SAMD3: variants seen among roughly 807,000 people sequenced by gnomAD.
SAMD3 encodes sterile alpha motif domain-containing protein 3.
In SAMD3, 63 loss-of-function variants were observed where a neutral mutation model predicts 58.5. That is an observed-to-expected ratio of 1.08 (90% CI 0.88 to 1.33). SAMD3 has a LOEUF of 1.33. Among genes scored for constraint, SAMD3 ranks in the 40% most tolerant of loss-of-function variants. The pLI is 0.00. For missense variants in SAMD3, 604 were observed against 608.4 expected (o/e 0.99, Z 0.08); for synonymous variants, 220 against 210.3 (o/e 1.05, Z -0.40).
intron 1 of SAMD3, among the ~76,000 whole-genome samples, chr6:130,318,520 C>T (rs1294369308): frequency 1.3e-5 from 2 of 150,150 alleles, no homozygotes; most frequent in Non-Finnish European, 1.5e-5. Context: ...CCTCTACCTC[C>T]TGAGTTCAAG....
chr6:130,164,761 T>C (rs1428933264), intron 8 of SAMD3, among the ~76,000 whole-genome samples: 1 of 151,994 alleles, frequency 6.6e-6, no homozygotes, highest in Non-Finnish European at 1.5e-5. Flanking sequence ...AAATGAGGAA[T>C]TGTATACTGG....
chr6:130,262,038 AAG>A (rs2114923865), intron 2 of SAMD3, among the ~76,000 whole-genome samples: 1 of 151,006 alleles, frequency 6.6e-6, no homozygotes, highest in South Asian at 2.1e-4. Context: ...GACAAAGTCA[AAG>A]AGAGATATAT....
chr6:130,144,578 T>C lies in SAMD3; in HGVS notation c.1505A>G (p.Tyr502Cys), dbSNP rs1562359151. The C allele has an allele frequency of 6.2e-7, 1 of 1,613,902 alleles. No individual in the cohort carries two copies. Among genetic ancestry groups the C allele is most frequent in the Non-Finnish European group, 8.5e-7 (1 of 1,179,904 alleles). Reference sequence around the variant, plus strand: ...TTCCTTTTCTTTCAAAGAAGGAAAATAAGGACTGTGCATATCGAAAATCAG... The same window carrying C: ...TTCCTTTTCTTTCAAAGAAGGAAAACAAGGACTGTGCATATCGAAAATCAG... ...ETLIFDMHSPYFPSLKEKENE... is the reference protein window; with the variant it reads ...ETLIFDMHSPCFPSLKEKENE... The change falls in exon 12 of 12, where the codon TAT (tyrosine) becomes TGT (cysteine). Residue 502 changes from tyrosine (Y) to cysteine (C), a missense_variant. Tyr to Cys is a radical substitution (Grantham distance 194, BLOSUM62 -2). Transcript: ENST00000439090.
intron 5 of SAMD3, among the ~76,000 whole-genome samples, chr6:130,193,612 C>T (rs776216464): frequency 4.6e-5 from 7 of 152,088 alleles, no homozygotes; most frequent in Non-Finnish European, 8.8e-5. Context: ...CCCTCCATTC[C>T]TCCAACTCCC....
intron 5 of SAMD3, among the ~76,000 whole-genome samples, chr6:130,200,497 C>T (rs1413314627): frequency 3.6e-5 from 5 of 139,662 alleles, no homozygotes; most frequent in South Asian, 4.5e-4. Flanking sequence ...TGCAGTGAGC[C>T]GAGATCACAC....
rs777084920 is a variant in SAMD3 at position 130,304,926 on chromosome 6, CTTTTT to C, written c.-188+8047_-188+8051del. ...TAAACACTAAAATTACATTTTCTTC[CTTTTT>C]TTTTTTTTTTTTTTTTTTTTTGAGA... is the stretch of plus-strand genomic sequence containing the variant. On this transcript the variant is annotated intron_variant, in intron 2 of 13. Coordinates refer to the SAMD3 transcript ENST00000368134. Among the ~76,000 whole-genome samples, 827 of 103,190 alleles carry C rather than the reference CTTTTT, an allele frequency of 8.0e-3. 4 individuals carry two copies. The highest frequency in any genetic ancestry group is 0.01 in the African/African-American group (261 of 25,298). The allele number at this position is 103,190 out of a possible 152,430, so 67.7% of individuals were successfully genotyped here.
intron 2 of SAMD3, among the ~76,000 whole-genome samples, chr6:130,280,128 A>G (rs75954807): frequency 0.15 from 22,153 of 152,042 alleles, 2,044 homozygotes; most frequent in East Asian, 0.36. Context: ...GTTGTTTTTC[A>G]CTAGCTACTT....
chr6:130,220,774 A>G (rs1562464017), intron 1 of SAMD3, among the ~76,000 whole-genome samples: 1 of 152,260 alleles, frequency 6.6e-6, no homozygotes, highest in African/African-American at 2.4e-5. Flanking sequence ...TGCTATTAAC[A>G]GCATGGTACT....
intron 8 of SAMD3, among the ~76,000 whole-genome samples, chr6:130,172,038 C>G (rs1791298733): frequency 6.6e-6 from 1 of 152,176 alleles, no homozygotes; most frequent in South Asian, 2.1e-4. Context: ...AACCCCTACT[C>G]TTTTTTTGCT....
At position 130,267,531 on chromosome 6, in the gene SAMD3, A is replaced by T. The variant is rs576421914; in HGVS notation, c.-187-44718T>A. Among the ~76,000 whole-genome samples the T allele has an allele frequency of 8.5e-5, 13 of 152,282 alleles. No homozygotes were observed. In the East Asian group the frequency reaches 2.5e-3, roughly 29 times the overall value. On this transcript the variant is annotated intron_variant, in intron 2 of 13. Coordinates refer to the SAMD3 transcript ENST00000368134. ...AGAGAACAGAGACAGACCCTCTCATACTGTTTTATATTGTTTTATACTCAG... is the reference window on the plus strand; with the variant it reads ...AGAGAACAGAGACAGACCCTCTCATTCTGTTTTATATTGTTTTATACTCAG...
intron 2 of SAMD3, among the ~76,000 whole-genome samples, chr6:130,228,988 G>A (rs1018280155): frequency 5.3e-5 from 8 of 152,316 alleles, no homozygotes; most frequent in Admixed American, 2.0e-4. Context: ...TTGCTTCCCA[G>A]GCTTAGAGAG....
intron 2 of SAMD3, among the ~76,000 whole-genome samples, chr6:130,292,807 A>C (rs1427773135): frequency 1.3e-5 from 2 of 151,208 alleles, no homozygotes; most frequent in Non-Finnish European, 2.9e-5. Flanking sequence ...TTTAGTAGAG[A>C]CGGGGTTTCA....
intron 2 of SAMD3, among the ~76,000 whole-genome samples, chr6:130,310,812 A>G (rs550778431): frequency 6.6e-6 from 1 of 152,348 alleles, no homozygotes; most frequent in African/African-American, 2.4e-5. Context: ...TTATTAACAT[A>G]GCCACTAATT....
intron 9 of SAMD3, among the ~76,000 whole-genome samples, chr6:130,151,255 A>G (rs530623890): frequency 9.8e-4 from 19 of 19,366 alleles, no homozygotes; most frequent in African/African-American, 1.8e-3. Context: ...ACTGAGGCAC[A>G]TCTTATGTCT....
At chr6:130,288,938 C>G (rs770374402) in intron 2 of SAMD3, among the ~76,000 whole-genome samples, 2 of 152,204 alleles carry the variant, frequency 1.3e-5, no homozygotes, top group African/African-American at 2.4e-5. Flanking sequence ...TCTTTACTTT[C>G]TGCTAGCAAA....
In SAMD3 at chr6:130,355,134, A is replaced by G. The variant is rs1333354571; in HGVS notation, c.-304+9986T>C. 3.9e-5 allele frequency among the ~76,000 whole-genome samples: 6 copies of G among 152,172 alleles called. No individual in the cohort carries two copies. In the East Asian group the frequency reaches 1.2e-3, roughly 29 times the overall value. ...TAGGGTACATTTGTTTACAATAAGG[A>G]TGCAACTGCCCAGGCACGGTGGCTC... On this transcript the variant is annotated intron_variant, in intron 1 of 13. Transcript: ENST00000368134.
At chr6:130,193,661 C>G (rs1322507115) in intron 5 of SAMD3, among the ~76,000 whole-genome samples, 1 of 152,186 alleles carries the variant, frequency 6.6e-6, no homozygotes, top group Non-Finnish European at 1.5e-5. Flanking sequence ...CTCTTCAACT[C>G]ACACCTGACC....
chr6:130,365,567 T>C, upstream of SAMD3: 1 of 984,966 alleles, frequency 1.0e-6, no homozygotes, highest in Non-Finnish European at 1.2e-6. Context: ...ATACTGCGAG[T>C]CGGCTGGAGC....
chr6:130,260,882 C>G (rs577603428), intron 2 of SAMD3, among the ~76,000 whole-genome samples: 5 of 152,372 alleles, frequency 3.3e-5, no homozygotes, highest in African/African-American at 1.2e-4. Flanking sequence ...CTTGGTAAGA[C>G]TAGTCTTTGG....
Sources: gnomAD v4.1 joint callset for allele counts (sites outside exome capture counted in the v4.1 genomes callset) on GRCh38, gnomAD v4.1.1 for gene constraint, MANE v1.5 for transcripts, NCBI Gene and HGNC (gene_info 2026-07-23, HGNC 2026-07-21) for gene names.